The following SLC24A3 variants were observed in gnomAD, a reference collection of about 807,000 sequenced individuals.
The protein encoded by SLC24A3 is solute carrier family 24 member 3.
SLC24A3 carries 28 observed loss-of-function variants against 75.8 expected under a neutral mutation model. The observed-to-expected ratio is 0.37, with a 90% CI of 0.27 to 0.51. The LOEUF is 0.51. SLC24A3 is among the 20% of genes least tolerant of loss of function. SLC24A3 has a pLI of 0.94. For missense variants in SLC24A3, 663 were observed against 847.8 expected (o/e 0.78, Z 2.71); for synonymous variants, 372 against 334.1 (o/e 1.11, Z -1.24).
chr20:19,393,463 TG>T (rs1986399588), intron 2 of SLC24A3, among the ~76,000 whole-genome samples: 1 of 152,214 alleles, frequency 6.6e-6, no homozygotes, highest in Non-Finnish European at 1.5e-5. Context: ...TGATCTTATA[TG>T]TAGAAAACAA....
At chr20:19,485,809 A>G (rs1988119423) in intron 2 of SLC24A3, among the ~76,000 whole-genome samples, 1 of 152,116 alleles carries the variant, frequency 6.6e-6, no homozygotes, top group African/African-American at 2.4e-5. Context: ...TAGAATCTCA[A>G]CAGAAACAAA....
chr20:19,604,422 G>A (rs1372759551), intron 6 of SLC24A3, among the ~76,000 whole-genome samples: 1 of 152,188 alleles, frequency 6.6e-6, no homozygotes. Context: ...CTCGGTTAGG[G>A]GAACAGAAAG....
chr20:19,573,729 G>A (rs796867128), intron 3 of SLC24A3, among the ~76,000 whole-genome samples: 14 of 152,284 alleles, frequency 9.2e-5, no homozygotes, highest in Non-Finnish European at 1.5e-4. Context: ...GTTGCACGCC[G>A]GAAGATAGGG....
intron 1 of SLC24A3, among the ~76,000 whole-genome samples, chr20:19,276,646 T>TGGTGGGG (rs1983495938): frequency 6.6e-6 from 1 of 152,178 alleles, no homozygotes; most frequent in Non-Finnish European, 1.5e-5. Context: ...GGCTCGTGCG[T>TGGTGGGG]ATAATCCCAG....
chr20:19,604,127 C>A (rs571696160), intron 6 of SLC24A3, among the ~76,000 whole-genome samples: 1 of 152,278 alleles, frequency 6.6e-6, no homozygotes, highest in Admixed American at 6.5e-5. Context: ...CAAGGTGCTT[C>A]TGTGCTGCCA....
In SLC24A3 at chr20:19,365,394, T is replaced by A. The variant is rs143260990; in HGVS notation, c.271+84307T>A. 2.2e-3 allele frequency among the ~76,000 whole-genome samples: 337 copies of A among 152,256 alleles called. 2 individuals are homozygous for A. Among genetic ancestry groups the A allele is most frequent in the African/African-American group, 7.7e-3 (321 of 41,540 alleles). ...GAGCCTGGTTCTAGATACACAGCTG[T>A]AGAGGAACCACGATAGCTCCTGCAG... On this transcript the variant is annotated intron_variant, in intron 2 of 16. Coordinates refer to ENST00000328041, the MANE Select transcript of SLC24A3 (RefSeq NM_020689.4).
At chr20:19,258,296 G>C (rs934064505) in intron 1 of SLC24A3, among the ~76,000 whole-genome samples, 3 of 152,212 alleles carry the variant, frequency 2.0e-5, no homozygotes, top group South Asian at 2.1e-4. Flanking sequence ...AAGGGGAAGA[G>C]AGCTTTTGGT....
intron 2 of SLC24A3, among the ~76,000 whole-genome samples, chr20:19,441,337 C>A (rs779845485): frequency 9.9e-5 from 15 of 152,078 alleles, no homozygotes; most frequent in Non-Finnish European, 1.9e-4. Context: ...ACAGACTGCT[C>A]CAGACTTGCT....
intron 6 of SLC24A3, among the ~76,000 whole-genome samples, chr20:19,624,596 G>C (rs1200573843): frequency 1.3e-5 from 2 of 152,196 alleles, no homozygotes; most frequent in African/African-American, 2.4e-5. Context: ...TTTAGGCTCA[G>C]AGCTGGCAAA....
intron 2 of SLC24A3, among the ~76,000 whole-genome samples, chr20:19,346,063 CTATATATATATATA>C (rs763603062): frequency 0.045 from 964 of 21,268 alleles, 90 homozygotes; most frequent in Admixed American, 0.21. Flanking sequence ...ATAAAGAAAA[CTATATATATATATA>C]TATATATATA....
chr20:19,438,549 C>T (rs1377974819), intron 2 of SLC24A3, among the ~76,000 whole-genome samples: 2 of 152,028 alleles, frequency 1.3e-5, no homozygotes, highest in East Asian at 3.9e-4. Context: ...CACCAAGCAA[C>T]TCATTGGTCT....
At chr20:19,484,227 A>G (rs780078934) in intron 2 of SLC24A3, among the ~76,000 whole-genome samples, 1 of 152,144 alleles carries the variant, frequency 6.6e-6, no homozygotes, top group South Asian at 2.1e-4. Context: ...TATCTTGGAG[A>G]TGGGGCCCAA....
At chr20:19,533,219 C>T (rs1255293929) in intron 3 of SLC24A3, among the ~76,000 whole-genome samples, 3 of 152,180 alleles carry the variant, frequency 2.0e-5, no homozygotes, top group Non-Finnish European at 2.9e-5. Flanking sequence ...TGGGGCTGAA[C>T]ATCCATGATG....
intron 6 of SLC24A3, among the ~76,000 whole-genome samples, chr20:19,652,193 T>C (rs940539395): frequency 3.3e-5 from 5 of 152,232 alleles, no homozygotes; most frequent in African/African-American, 1.2e-4. Context: ...TTTTGCATTG[T>C]GGGTTTATGT....
At chr20:19,239,048 G>A (rs983907400) in intron 1 of SLC24A3, among the ~76,000 whole-genome samples, 2 of 151,238 alleles carry the variant, frequency 1.3e-5, no homozygotes, top group African/African-American at 2.4e-5. Context: ...GAATCACAGT[G>A]TGGGGAAAAG....
chr20:19,505,566 A>G lies in SLC24A3; in HGVS notation c.272-9922A>G, dbSNP rs888546743. 2.6e-5 allele frequency among the ~76,000 whole-genome samples: 4 copies of G among 152,184 alleles called. No individual in the cohort carries two copies. The South Asian group carries it at 6.2e-4, about 24-fold the overall frequency. On this transcript the variant is annotated intron_variant, in intron 2 of 16. Coordinates refer to ENST00000328041, the MANE Select transcript of SLC24A3 (RefSeq NM_020689.4). ...GGGAGCTGGGAAGTGAGACAACGAG[A>G]CAATGACAGATAGGCAACCAATCAT...
At chr20:19,352,848 A>G (rs765389616) in intron 2 of SLC24A3, among the ~76,000 whole-genome samples, 2 of 152,202 alleles carry the variant, frequency 1.3e-5, no homozygotes, top group Non-Finnish European at 2.9e-5. Context: ...TTGTACCAAC[A>G]TTTTGTCAAT....
intron 2 of SLC24A3, among the ~76,000 whole-genome samples, chr20:19,322,099 A>T (rs1378791630): frequency 6.6e-6 from 1 of 151,760 alleles, no homozygotes; most frequent in African/African-American, 2.4e-5. Context: ...ATATTTGTTA[A>T]CTCTGACTGC....
chr20:19,500,600 A>T (rs1258507888), intron 2 of SLC24A3, among the ~76,000 whole-genome samples: 3 of 152,220 alleles, frequency 2.0e-5, no homozygotes, highest in African/African-American at 4.8e-5. Context: ...TCCTCCATAA[A>T]TCTATATGAA....
Sources: allele counts gnomAD v4.1 joint callset (sites outside exome capture counted in the v4.1 genomes callset), GRCh38; gene constraint gnomAD v4.1.1; transcripts MANE v1.5; gene names NCBI Gene and HGNC (gene_info 2026-07-23, HGNC 2026-07-21).